Variants in CEP350 observed in about 807,000 individuals in gnomAD.
CEP350 encodes centrosomal protein 350.
A neutral mutation model predicts 331.8 loss-of-function variants in CEP350; 126 were observed. The observed-to-expected ratio is 0.38, with a 90% CI of 0.33 to 0.44. The LOEUF (loss-of-function observed/expected upper bound fraction) is 0.44, where lower values mean the gene tolerates loss of function less well. CEP350 is among the 20% of genes least tolerant of loss of function. CEP350 has a pLI of 1.00. For missense variants in CEP350, 3,406 were observed against 3,634.6 expected (o/e 0.94, Z 1.62); for synonymous variants, 1,200 against 1,259.5 (o/e 0.95, Z 1.00).
chr1:179,982,940 G>A (rs576509981), intron 1 of CEP350, among the ~76,000 whole-genome samples: 48 of 152,052 alleles, frequency 3.2e-4, no homozygotes, highest in East Asian at 2.9e-3. Context: ...ACAGGCACCC[G>A]CCACCATGCC....
At chr1:179,996,375 A>G (rs922012177) in intron 5 of CEP350, among the ~76,000 whole-genome samples, 178 bp from the exon 6 acceptor site, 1 of 152,232 alleles carries the variant, frequency 6.6e-6, no homozygotes. Flanking sequence ...TGTATAGTGT[A>G]CAGCATAATG....
chr1:179,985,542 C>T (rs762462934), intron 1 of CEP350, among the ~76,000 whole-genome samples: 1 of 152,062 alleles, frequency 6.6e-6, no homozygotes, highest in Non-Finnish European at 1.5e-5. Flanking sequence ...TATAAATTAT[C>T]CAAGACTGGG....
Position 180,090,726 on chromosome 1 carries a change from A to C in CEP350, c.6438A>C (p.Ala2146=). 3 of 1,551,266 alleles carry C rather than the reference A, an allele frequency of 1.9e-6. No individual in the cohort carries two copies. Among genetic ancestry groups the C allele is most frequent in the Non-Finnish European group, 2.6e-6 (3 of 1,146,724 alleles). ...TTTTACACGTCAGATCTGAAACGGC[A>C]AAGAATTGGAAATCACTAACAGAGT... The part of the protein sequence containing the change: ...PLTPLHRSET[A]KNWKSLTESE... Residue 2146 remains alanine, a synonymous_variant, in exon 33 of 38, where the codon GCA becomes GCC. Coordinates refer to ENST00000367607, the MANE Select transcript of CEP350 (RefSeq NM_014810.5).
intron 1 of CEP350, among the ~76,000 whole-genome samples, chr1:179,967,472 C>T (rs528513794): frequency 3.2e-4 from 48 of 152,244 alleles, no homozygotes; most frequent in Admixed American, 1.5e-3. Context: ...AGTACAGTAG[C>T]GTGATCTTGG....
Position 179,990,534 on chromosome 1 carries a change from G to A in CEP350, c.148G>A (p.Val50Ile), listed in dbSNP as rs1281950600. Residue 50 changes from valine to isoleucine, a missense_variant, in exon 4 of 38, where the codon GTA becomes ATA. By Grantham distance (29) the Val-to-Ile change is conservative (BLOSUM62 3). Coordinates refer to ENST00000367607, the MANE Select transcript of CEP350 (RefSeq NM_014810.5). ...ALRHIENKLEVAPTSTAVCDS... is the reference protein window; with the variant it reads ...ALRHIENKLEIAPTSTAVCDS... Reference sequence around the variant, plus strand: ...GAGACACATTGAAAATAAATTAGAAGTAGCCCCTACAAGTACAGCTGTGTG... The same window carrying A: ...GAGACACATTGAAAATAAATTAGAAATAGCCCCTACAAGTACAGCTGTGTG... 2.5e-6 allele frequency: 4 copies of A among 1,599,184 alleles called. No individual in the cohort carries two copies. Among genetic ancestry groups the A allele is most frequent in the Middle Eastern group, 1.7e-4 (1 of 6,038 alleles).
intron 30 of CEP350, among the ~76,000 whole-genome samples, chr1:180,081,070 G>C (rs1659540206): frequency 6.6e-6 from 1 of 150,794 alleles, no homozygotes; most frequent in Non-Finnish European, 1.5e-5. Context: ...GTTTCACCAC[G>C]TTGGCCAGGC....
At chr1:179,964,858 T>G (rs191867070) in intron 1 of CEP350, among the ~76,000 whole-genome samples, 38 of 152,108 alleles carry the variant, frequency 2.5e-4, no homozygotes, top group African/African-American at 7.0e-4. Flanking sequence ...GTATGTTTTT[T>G]TTGTTGTTGT....
Position 179,996,617 on chromosome 1 carries a change from G to A in CEP350, c.460G>A (p.Val154Ile), listed in dbSNP as rs774489682. The change falls in exon 6 of 38, where the codon GTA becomes ATA. Residue 154 changes from valine to isoleucine, a missense_variant. By Grantham distance (29) the Val-to-Ile change is conservative. Around this residue, in one of 5 missense-constraint regions of CEP350, gnomAD observed 1,857 missense variants for 1,909.2 expected, o/e 0.97. Transcript: ENST00000367607. ...SHLESKHVYC[V>I]DVNEEKTESG... is the part of the protein sequence containing the mutation. ...TCTGGAATCAAAGCACGTATACTGT[G>A]TAGATGTTAATGAAGAAAAGACTGA... The A allele has an allele frequency of 1.9e-6, 3 of 1,608,186 alleles. No homozygotes were observed. The highest frequency in any genetic ancestry group is 2.5e-6 in the Non-Finnish European group (3 of 1,176,942).
chr1:179,989,344 A>T (rs995137856), intron 3 of CEP350, among the ~76,000 whole-genome samples: 5 of 151,734 alleles, frequency 3.3e-5, no homozygotes, highest in Admixed American at 2.6e-4. Context: ...TTAGCTGGGC[A>T]TGGTGGTGTA....
chr1:180,013,786 A>C (rs1654801547), intron 9 of CEP350, 61 bp from the exon 10 acceptor site: 2 of 1,369,252 alleles, frequency 1.5e-6, no homozygotes, highest in Non-Finnish European at 2.0e-6. Context: ...TTGTTAATGC[A>C]GTTAAATCTT....
chr1:179,966,299 A>T (rs1651008421), intron 1 of CEP350, among the ~76,000 whole-genome samples: 1 of 152,182 alleles, frequency 6.6e-6, no homozygotes, highest in African/African-American at 2.4e-5. Flanking sequence ...GATGAGACTG[A>T]TTTGGGAGCC....
chr1:180,060,839 A>G (rs1045562598), intron 25 of CEP350, among the ~76,000 whole-genome samples: 2 of 152,160 alleles, frequency 1.3e-5, no homozygotes, highest in Non-Finnish European at 2.9e-5. Context: ...CATACAAACC[A>G]AATAGTATAT....
chr1:179,971,212 A>G (rs1015989739), intron 1 of CEP350, among the ~76,000 whole-genome samples: 16 of 151,930 alleles, frequency 1.1e-4, no homozygotes, highest in Admixed American at 1.0e-3. Flanking sequence ...TATTTTTAGT[A>G]GAGACTGGGT....
chr1:179,977,767 C>G (rs979978448), intron 1 of CEP350, among the ~76,000 whole-genome samples: 1 of 152,036 alleles, frequency 6.6e-6, no homozygotes, highest in Non-Finnish European at 1.5e-5. Flanking sequence ...CCTTAGTTTA[C>G]TGTAACTTTT....
intron 37 of CEP350, among the ~76,000 whole-genome samples, chr1:180,102,394 C>T (rs1442097869): frequency 6.6e-6 from 1 of 152,144 alleles, no homozygotes; most frequent in African/African-American, 2.4e-5. Flanking sequence ...TCTCGGCCTC[C>T]CAAAGTGCTG....
intron 26 of CEP350, 123 bp from the exon 27 acceptor site, chr1:180,064,987 ATTATC>A: frequency 1.0e-6 from 1 of 996,944 alleles, no homozygotes; most frequent in Non-Finnish European, 1.4e-6. Flanking sequence ...TTTGTCCTTT[ATTATC>A]TTATTTTCAA....
At chr1:179,980,726 C>G (rs1652208604) in intron 1 of CEP350, among the ~76,000 whole-genome samples, 1 of 152,036 alleles carries the variant, frequency 6.6e-6, no homozygotes, top group African/African-American at 2.4e-5. Flanking sequence ...CTTTCTCTCT[C>G]TCTCCCTCTC....
rs764196411 is a variant in CEP350, at chr1:180,111,143, G to A, written c.9336G>A (p.Gly3112=). The change falls in exon 38 of 38, where the codon GGG becomes GGA. Residue 3112 remains glycine (G), a synonymous_variant. Coordinates refer to ENST00000367607, the MANE Select transcript of CEP350 (RefSeq NM_014810.5). ...TGAATCAGATCAGTGAAAAGCAGGG[G>A]AGAATGCTACTTGTGTGACATCTTG... is the stretch of plus-strand genomic sequence containing the variant. ...DVLNQISEKQ[G]RMLLV 2 of 1,613,814 alleles carry A rather than the reference G, an allele frequency of 1.2e-6. No homozygotes were observed. Among genetic ancestry groups the A allele is most frequent in the African/African-American group, 1.3e-5 (1 of 74,918 alleles).
At chr1:180,044,490 T>G (rs1322434174) in intron 21 of CEP350, among the ~76,000 whole-genome samples, 2 of 152,078 alleles carry the variant, frequency 1.3e-5, no homozygotes, top group Non-Finnish European at 2.9e-5. Flanking sequence ...GATGTTACTA[T>G]GCAGCCATAA....
Sources: allele counts gnomAD v4.1 joint callset (sites outside exome capture counted in the v4.1 genomes callset), GRCh38; gene constraint gnomAD v4.1.1; regional missense constraint gnomAD v4.1.1; transcripts MANE v1.5; gene names NCBI Gene and HGNC (gene_info 2026-07-23, HGNC 2026-07-21).